Variants in TSPAN19 observed in about 807,000 individuals in gnomAD.
TSPAN19 encodes the protein tetraspanin-19.
TSPAN19 carries 44 observed loss-of-function variants against 35.1 expected under a neutral mutation model. That is an observed-to-expected ratio of 1.25 (90% CI 0.98 to 1.61). The LOEUF (loss-of-function observed/expected upper bound fraction) is 1.61, where lower values mean the gene tolerates loss of function less well. TSPAN19 is among the 40% of genes most tolerant of loss of function. The pLI, the probability that TSPAN19 is intolerant of heterozygous loss-of-function variation, is 0.00. For synonymous variants in TSPAN19, 79 were observed against 92.0 expected (o/e 0.86, Z 0.81); for missense variants, 290 against 280.0 (o/e 1.04, Z -0.26).
rs1877499580 is a variant in TSPAN19, at chr12:85,027,964, TAGA to T, written c.196_198del (p.Ser66del). 6.2e-7 allele frequency: 1 copy of T among 1,601,960 alleles called. No individual in the cohort carries two copies. Among genetic ancestry groups the T allele is most frequent in the African/African-American group, 1.3e-5 (1 of 74,550 alleles). ...TAACCCAATAGACAAAAAAGAACAG[TAGA>T]AGATCCCATTCCAATCAAAATTTGA... On this transcript the variant is annotated inframe_deletion, in exon 4 of 9. Coordinates refer to ENST00000532498, the MANE Select transcript of TSPAN19 (RefSeq NM_001100917.2).
chr12:85,030,263 T>C (rs1314125646), intron 1 of TSPAN19, among the ~76,000 whole-genome samples: 1 of 152,138 alleles, frequency 6.6e-6, no homozygotes, highest in Non-Finnish European at 1.5e-5. Context: ...GTAGCCTTAC[T>C]GAATTTCTTG....
chr12:85,029,876 C>A lies in TSPAN19; in HGVS notation c.66+5G>T. The A allele has an allele frequency of 6.7e-7, 1 of 1,495,396 alleles. No homozygotes were observed. The highest frequency in any genetic ancestry group is 9.0e-7 in the Non-Finnish European group (1 of 1,105,010). The allele number at this position is 1,495,396 out of a possible 1,614,324, so 92.6% of individuals were successfully genotyped here. On this transcript the variant is annotated splice_donor_5th_base_variant and intron_variant, in intron 2 of 8. Transcript: ENST00000532498. ...TCTTTACTGTATAATTATGAAGATT[C>A]TTACCAAGAAAGCTCCATTAATGAG... is the stretch of plus-strand genomic sequence containing the variant.
Position 85,014,560 on chromosome 12 carries a change from A to T in TSPAN19, c.679-5T>A. On this transcript the variant is annotated splice_polypyrimidine_tract_variant and splice_region_variant and intron_variant, in intron 8 of 8. Coordinates refer to ENST00000532498, the MANE Select transcript of TSPAN19 (RefSeq NM_001100917.2). ...TGTTAATGAGACTTGGAAAACCTGG[A>T]AGAAAAGGGAACAATAAGAGATTAA... The T allele has an allele frequency of 6.3e-7, 1 of 1,587,984 alleles. No homozygotes were observed.
At chr12:85,030,410 C>T (rs771232496) in intron 1 of TSPAN19, among the ~76,000 whole-genome samples, 3 of 152,080 alleles carry the variant, frequency 2.0e-5, no homozygotes, top group Non-Finnish European at 4.4e-5. Flanking sequence ...AAGTTTTCCT[C>T]ACTTCTGCAT....
intron 7 of TSPAN19, chr12:85,017,160 C>T (rs1396030639): frequency 3.5e-6 from 1 of 287,596 alleles, no homozygotes; most frequent in Non-Finnish European, 6.4e-6. Context: ...AGAAGTGCCT[C>T]CTCTTTCTGC....
intron 8 of TSPAN19, 123 bp downstream of exon 8, chr12:85,015,765 C>T (rs1459658121): frequency 1.6e-6 from 1 of 640,854 alleles, no homozygotes; most frequent in Non-Finnish European, 2.5e-6. Context: ...ATGTAAAGAG[C>T]CTCAAAGTCC....
intron 5 of TSPAN19, among the ~76,000 whole-genome samples, chr12:85,021,327 A>G (rs1304555695): frequency 6.6e-6 from 1 of 152,084 alleles, no homozygotes; most frequent in Non-Finnish European, 1.5e-5. Context: ...CACAGTAATT[A>G]TAAAAGGCAT....
intron 1 of TSPAN19, among the ~76,000 whole-genome samples, chr12:85,034,203 G>A (rs1173092762): frequency 1.3e-5 from 2 of 151,918 alleles, no homozygotes; most frequent in East Asian, 3.9e-4. Flanking sequence ...CAATAATTAC[G>A]GTGCCTCAAG....
At chr12:85,017,784 T>C (rs975311307) in intron 6 of TSPAN19, among the ~76,000 whole-genome samples, 185 bp from the exon 7 acceptor site, 4 of 151,902 alleles carry the variant, frequency 2.6e-5, no homozygotes, top group African/African-American at 9.7e-5. Flanking sequence ...CTATTATTGT[T>C]GTCAGCCATA....
intron 5 of TSPAN19, among the ~76,000 whole-genome samples, chr12:85,022,131 G>T (rs766028221): frequency 3.3e-5 from 5 of 152,004 alleles, no homozygotes; most frequent in Non-Finnish European, 7.4e-5. Context: ...GAGGATGATA[G>T]ATTGGGATTT....
chr12:85,014,345 T>G lies in TSPAN19; in HGVS notation c.*142A>C. 1 of 552,160 alleles carries G rather than the reference T, an allele frequency of 1.8e-6. No homozygotes were observed. Among genetic ancestry groups the G allele is most frequent in the Non-Finnish European group, 3.2e-6 (1 of 312,618 alleles). The allele number at this position is 552,160 out of a possible 1,614,324, so 34.2% of individuals were successfully genotyped here. On this transcript the variant is annotated 3_prime_UTR_variant, in exon 9 of 9. Transcript: ENST00000532498. ...TTTCATGAATGTTTTATTATAGTATTCAGTAATTCAATATTACATATAATT... is the reference window on the plus strand; with the variant it reads ...TTTCATGAATGTTTTATTATAGTATGCAGTAATTCAATATTACATATAATT...
chr12:85,030,356 C>T (rs2135816175), intron 1 of TSPAN19, among the ~76,000 whole-genome samples: 1 of 152,056 alleles, frequency 6.6e-6, no homozygotes, highest in African/African-American at 2.4e-5. Context: ...ATTAGATAGC[C>T]AGGAACATTT....
chr12:85,015,790 G>T, intron 8 of TSPAN19, 98 bp downstream of exon 8: 1 of 834,138 alleles, frequency 1.2e-6, no homozygotes. Context: ...TCTATTATAT[G>T]AACTTATCTG....
In TSPAN19 at chr12:85,015,932, C is replaced by T; in HGVS notation, c.634G>A (p.Val212Met). Residue 212 changes from valine (V) to methionine (M), a missense_variant, in exon 8 of 9, where the codon GTG becomes ATG. Physicochemically the swap from Val to Met is conservative, Grantham distance 21. Coordinates refer to ENST00000532498, the MANE Select transcript of TSPAN19 (RefSeq NM_001100917.2). ...AAGTTAATTCCGATTAAGGTTAACA[C>T]ATTAACATTATACCATGCACTGATT... Reference protein sequence around the residue: ...NKISAWYNVNVLTLIGINFGL... With the variant: ...NKISAWYNVNMLTLIGINFGL... The T allele has an allele frequency of 6.4e-7, 1 of 1,550,508 alleles. No homozygotes were observed.
intron 4 of TSPAN19, among the ~76,000 whole-genome samples, chr12:85,026,274 A>T (rs1436144526): frequency 6.6e-6 from 1 of 152,154 alleles, no homozygotes; most frequent in Non-Finnish European, 1.5e-5. Flanking sequence ...CTTGCAAGCC[A>T]TTTCTGTTCT....
intron 1 of TSPAN19, among the ~76,000 whole-genome samples, chr12:85,034,831 T>C (rs771750607): frequency 2.6e-5 from 4 of 152,102 alleles, no homozygotes; most frequent in African/African-American, 7.2e-5. Flanking sequence ...AGGAGATCTA[T>C]CACCATGAAT....
chr12:85,024,994 T>C (rs553841830), intron 4 of TSPAN19, among the ~76,000 whole-genome samples: 3 of 152,194 alleles, frequency 2.0e-5, no homozygotes, highest in East Asian at 1.9e-4. Context: ...TTATGTTTCC[T>C]AGTTTCAGAG....
intron 5 of TSPAN19, 80 bp from the exon 6 acceptor site, chr12:85,019,816 G>C: frequency 1.5e-6 from 1 of 680,376 alleles, no homozygotes; most frequent in Non-Finnish European, 2.5e-6. Context: ...GGTTCCTCAA[G>C]AGTACCATCA....
intron 8 of TSPAN19, chr12:85,014,790 CTTTAGG>C (rs1876698809): frequency 3.0e-6 from 1 of 332,074 alleles, no homozygotes; most frequent in African/African-American, 2.2e-5. Flanking sequence ...AAGGAAAAAC[CTTTAGG>C]TTTTAATTAC....
Sources: allele counts gnomAD v4.1 joint callset (sites outside exome capture counted in the v4.1 genomes callset), GRCh38; gene constraint gnomAD v4.1.1; transcripts MANE v1.5; gene names NCBI Gene and HGNC (gene_info 2026-07-23, HGNC 2026-07-21).